The following GGNBP2 variants were observed in gnomAD, a reference collection of about 807,000 sequenced individuals.
GGNBP2 encodes the protein gametogenetin-binding protein 2.
A neutral mutation model predicts 85.9 loss-of-function variants in GGNBP2; 10 were observed. The ratio of observed to expected loss-of-function variants is 0.12; its 90% CI spans 0.07 to 0.20. The LOEUF is 0.20. GGNBP2 is among the 10% of genes least tolerant of loss of function. The pLI, the probability that GGNBP2 is intolerant of heterozygous loss-of-function variation, is 1.00. For synonymous variants in GGNBP2, 287 were observed against 285.7 expected, an observed-to-expected ratio of 1.00 and a Z score of -0.05; for missense variants, 595 against 857.8, an observed-to-expected ratio of 0.69 and a Z score of 3.83.
chr17:36,554,859 G>A lies in GGNBP2; in HGVS notation c.133G>A (p.Gly45Arg), dbSNP rs1272596050. ...TCCTGATAATGTGTTAAATCTCGAT[G>A]GACATCAGAATAATGGTGCACAGCT... ...EFPDNVLNLDGHQNNGAQLKQ... is the reference protein window; with the variant it reads ...EFPDNVLNLDRHQNNGAQLKQ... Residue 45 changes from glycine (G) to arginine (R), a missense_variant, in exon 3 of 14, where the codon GGA (glycine) becomes AGA (arginine). Transcript: ENST00000613102. 5 of 1,610,376 alleles carry A rather than the reference G, an allele frequency of 3.1e-6. No individual in the cohort carries two copies.
intron 6 of GGNBP2, among the ~76,000 whole-genome samples, chr17:36,569,957 A>G (rs1046719916): frequency 6.6e-6 from 1 of 152,240 alleles, no homozygotes; most frequent in Admixed American, 6.5e-5. Context: ...GTGAGAAAGT[A>G]TGGTTGAGAG....
chr17:36,573,205 C>A (rs113866146), intron 6 of GGNBP2, among the ~76,000 whole-genome samples: 2 of 151,978 alleles, frequency 1.3e-5, no homozygotes, highest in African/African-American at 4.8e-5. Flanking sequence ...CTCCGCCTCC[C>A]GAGTTCAAGT....
intron 6 of GGNBP2, chr17:36,574,520 A>G: frequency 2.7e-6 from 1 of 365,966 alleles, no homozygotes; most frequent in Non-Finnish European, 4.9e-6. Context: ...GTGGGTCTTG[A>G]CGAGATGGTC....
intron 6 of GGNBP2, among the ~76,000 whole-genome samples, chr17:36,571,353 C>G (rs2074522308): frequency 6.6e-6 from 1 of 151,298 alleles, no homozygotes; most frequent in Admixed American, 6.6e-5. Context: ...AGTTCAAGAC[C>G]AGCCTGGCCA....
At chr17:36,558,817 A>T (rs1599510061) in intron 4 of GGNBP2, among the ~76,000 whole-genome samples, 1 of 151,682 alleles carries the variant, frequency 6.6e-6, no homozygotes, top group East Asian at 1.9e-4. Context: ...TGAGCAGAAG[A>T]GTGGCATAGT....
intron 4 of GGNBP2, among the ~76,000 whole-genome samples, chr17:36,558,823 A>G (rs2074389203): frequency 1.3e-5 from 2 of 151,782 alleles, no homozygotes; most frequent in South Asian, 2.1e-4. Flanking sequence ...GAAGAGTGGC[A>G]TAGTCTGATG....
At chr17:36,571,767 G>A (rs1381551473) in intron 6 of GGNBP2, among the ~76,000 whole-genome samples, 5 of 152,104 alleles carry the variant, frequency 3.3e-5, no homozygotes, top group Admixed American at 1.3e-4. Context: ...GGCGTGAACC[G>A]AGGAGGCGGA....
At chr17:36,584,279 A>G (rs924106390) in intron 9 of GGNBP2, among the ~76,000 whole-genome samples, 2 of 152,216 alleles carry the variant, frequency 1.3e-5, no homozygotes, top group Non-Finnish European at 2.9e-5. Flanking sequence ...AAAGTGGCAC[A>G]AGTACGTTTC....
chr17:36,547,915 G>A (rs1046297933), intron 2 of GGNBP2, among the ~76,000 whole-genome samples: 1 of 152,188 alleles, frequency 6.6e-6, no homozygotes, highest in Admixed American at 6.6e-5. Flanking sequence ...AGGGAAACAA[G>A]TTTCTTTCAG....
intron 6 of GGNBP2, among the ~76,000 whole-genome samples, chr17:36,568,347 A>G (rs1446592833): frequency 6.6e-6 from 1 of 151,414 alleles, no homozygotes; most frequent in Admixed American, 6.6e-5. Flanking sequence ...CCCAGGCTGG[A>G]GTGCAGTAGC....
At position 36,589,680 on chromosome 17, in the gene GGNBP2, C is replaced by G. The variant is rs1406741530; in HGVS notation, c.*269C>G. On this transcript the variant is annotated 3_prime_UTR_variant, in exon 14 of 14. Coordinates refer to ENST00000613102, the MANE Select transcript of GGNBP2 (RefSeq NM_024835.5). The stretch of plus-strand genomic sequence containing the variant: ...CTTCCTGTGAGACTTACTAAAGCAA[C>G]TTAGTGGCAAAAAGTAATGTTGTAC... 8.6e-6 allele frequency: 4 copies of G among 466,312 alleles called. No homozygotes were observed. 28.9% of individuals were successfully genotyped at this position (466,312 alleles called of 1,614,324 possible).
chr17:36,576,576 AAAAAAAAAAT>A (rs2074586662), intron 6 of GGNBP2: 1 of 30,186 alleles, frequency 3.3e-5, no homozygotes, highest in Non-Finnish European at 7.3e-5. Context: ...AAAAAAAAAA[AAAAAAAAAAT>A]ATATATATAT....
intron 9 of GGNBP2, 159 bp downstream of exon 9, chr17:36,581,697 A>T: frequency 4.7e-6 from 2 of 426,272 alleles, no homozygotes. Flanking sequence ...CCTGGGCAAG[A>T]TAGTGAGATC....
In GGNBP2 at chr17:36,586,050, GT is replaced by G; in HGVS notation, c.1494del (p.Asp499MetfsTer44). The G allele has an allele frequency of 6.2e-7, 1 of 1,613,904 alleles. No individual in the cohort carries two copies. The highest frequency in any genetic ancestry group is 8.5e-7 in the Non-Finnish European group (1 of 1,179,870). ...TAAGAAGGATTATTGATTTCTGCAG[GT>G]GATGACTCTTGTGTTCATCACTGTG... ...TEGICNHDEH[G>X]DDSCVHHCED... On this transcript the variant is annotated frameshift_variant and splice_region_variant, in exon 12 of 14. Transcript: ENST00000613102. LOFTEE classifies it high-confidence loss of function.
chr17:36,560,424 T>C (rs2074405917), intron 4 of GGNBP2, among the ~76,000 whole-genome samples: 1 of 152,250 alleles, frequency 6.6e-6, no homozygotes, highest in South Asian at 2.1e-4. Context: ...GGTTTTTATA[T>C]ATTTTTTAAA....
At chr17:36,585,509 A>C in intron 10 of GGNBP2, 59 bp downstream of exon 10, 9 of 1,177,556 alleles carry the variant, frequency 7.6e-6, no homozygotes, top group Non-Finnish European at 9.7e-6. Flanking sequence ...TTACTGTTAA[A>C]TGTAAGAGCT....
chr17:36,554,783 G>A (rs1353132569), intron 2 of GGNBP2, 37 bp from the exon 3 acceptor site: 14 of 1,273,718 alleles, frequency 1.1e-5, no homozygotes, highest in African/African-American at 1.5e-5. Flanking sequence ...TCTCAGAGGG[G>A]TAAAGTAATT....
intron 13 of GGNBP2, among the ~76,000 whole-genome samples, chr17:36,588,414 T>G (rs2074724414): frequency 6.6e-6 from 1 of 152,036 alleles, no homozygotes; most frequent in Non-Finnish European, 1.5e-5. Flanking sequence ...TGTGCCACCA[T>G]GCCTGGCTAA....
intron 1 of GGNBP2, 32 bp downstream of exon 1, chr17:36,545,129 T>C (rs1429496906): frequency 5.9e-5 from 9 of 152,788 alleles, no homozygotes. Flanking sequence ...CCCCGTTCCC[T>C]GGACTCCGCA....
Sources: gnomAD v4.1 joint callset for allele counts (sites outside exome capture counted in the v4.1 genomes callset) on GRCh38, gnomAD v4.1.1 for gene constraint, MANE v1.5 for transcripts, NCBI Gene and HGNC (gene_info 2026-07-23, HGNC 2026-07-21) for gene names.